The following TAMM41 variants were observed in gnomAD, a reference collection of about 807,000 sequenced individuals.
The protein encoded by TAMM41 is TAM41 mitochondrial translocator assembly and maintenance homolog.
Under a neutral mutation model 44.1 loss-of-function variants are expected in TAMM41, and 36 were observed. The ratio of observed to expected loss-of-function variants is 0.82; its 90% CI spans 0.63 to 1.08. The LOEUF (loss-of-function observed/expected upper bound fraction) is 1.08. Ranked by LOEUF, TAMM41 falls within the 50% of genes least tolerant of loss-of-function variation. The pLI is 0.00. For missense variants in TAMM41, 417 were observed against 404.3 expected (o/e 1.03, Z -0.27); for synonymous variants, 164 against 153.1 (o/e 1.07, Z -0.53).
the TAMM41 span, among the ~76,000 whole-genome samples, chr3:11,766,325 C>G: frequency 3.3e-5 from 5 of 151,980 alleles, no homozygotes; most frequent in African/African-American, 1.2e-4. Context: ...CCACCATGCT[C>G]GGTGAATTTT....
At chr3:11,790,710 G>C (rs149528881) in intron 7 of TAMM41, 129 bp from the exon 8 acceptor site, 218 of 736,954 alleles carry the variant, frequency 3.0e-4, no homozygotes, top group Non-Finnish European at 4.5e-4. Context: ...GGCTCTAGGA[G>C]ACCAGGGAGC....
chr3:11,798,278 G>C (rs2077659174), intron 7 of TAMM41, among the ~76,000 whole-genome samples: 1 of 152,280 alleles, frequency 6.6e-6, no homozygotes, highest in African/African-American at 2.4e-5. Context: ...ACTGCATAAA[G>C]AAAACGTGGT....
intron 3 of TAMM41, among the ~76,000 whole-genome samples, chr3:11,836,085 A>G (rs1028195663): frequency 6.6e-6 from 1 of 151,306 alleles, no homozygotes; most frequent in Non-Finnish European, 1.5e-5. Context: ...CTGCCTCCCA[A>G]GTTCCAGCGA....
intron 3 of TAMM41, chr3:11,833,087 G>A (rs1193803368): frequency 7.8e-7 from 1 of 1,274,636 alleles, no homozygotes; most frequent in South Asian, 1.3e-5. Flanking sequence ...ACTTGTCTCA[G>A]CAGCACTGTT....
the TAMM41 span, among the ~76,000 whole-genome samples, chr3:11,740,106 C>T: frequency 6.6e-6 from 1 of 152,090 alleles, no homozygotes; most frequent in Admixed American, 6.5e-5. Flanking sequence ...AAAAACACCC[C>T]AGATCTTTTA....
rs927941124 is a variant in TAMM41 at position 11,822,850 on chromosome 3, A to C, written c.563-5513T>G. 3.9e-5 allele frequency among the ~76,000 whole-genome samples: 6 copies of C among 152,182 alleles called. 1 individual carries two copies. In the South Asian group the frequency reaches 8.3e-4, roughly 21 times the overall value. ...CATTATGAATAATGCTGCTACGTAC[A>C]AGTTTTTGTGTGGACATATGTTTCA... On this transcript the variant is annotated intron_variant, in intron 4 of 7. Transcript: ENST00000455809.
chr3:11,771,885 T>C, the TAMM41 span, among the ~76,000 whole-genome samples: 1 of 151,646 alleles, frequency 6.6e-6, no homozygotes. Context: ...GCCCGGCCTG[T>C]TTATTTATTT....
chr3:11,778,786 G>T, the TAMM41 span, among the ~76,000 whole-genome samples: 1 of 151,982 alleles, frequency 6.6e-6, no homozygotes, highest in Non-Finnish European at 1.5e-5. Context: ...GGCCATTCGT[G>T]TATCTTTTTT....
At chr3:11,786,304 ATTAT>A (rs1375704118), downstream of TAMM41, among the ~76,000 whole-genome samples, 2 of 145,398 alleles carry the variant, frequency 1.4e-5, no homozygotes, top group Admixed American at 7.0e-5. Context: ...TATTATTATT[ATTAT>A]TATTATTATT....
At chr3:11,792,746 T>A (rs2077509557) in intron 7 of TAMM41, among the ~76,000 whole-genome samples, 1 of 152,202 alleles carries the variant, frequency 6.6e-6, no homozygotes, top group African/African-American at 2.4e-5. Context: ...CATGAAATTA[T>A]GAACTTCTTT....
At chr3:11,749,031 G>A in the TAMM41 span, among the ~76,000 whole-genome samples, 13 of 150,294 alleles carry the variant, frequency 8.6e-5, no homozygotes, top group East Asian at 2.2e-3. Flanking sequence ...TCCTGCCTCA[G>A]CCTCTCAAAT....
the TAMM41 span, among the ~76,000 whole-genome samples, chr3:11,765,031 C>T: frequency 2.0e-5 from 3 of 152,188 alleles, no homozygotes; most frequent in Non-Finnish European, 2.9e-5. Flanking sequence ...CCTTAGTTGG[C>T]CTCACCTTTC....
At chr3:11,768,481 T>C in the TAMM41 span, among the ~76,000 whole-genome samples, 35,082 of 152,156 alleles carry the variant, frequency 0.23, 4,115 homozygotes, top group East Asian at 0.33. Flanking sequence ...ACAAAGTGAA[T>C]GTGACAAGGT....
At chr3:11,769,355 ATTTT>A in the TAMM41 span, among the ~76,000 whole-genome samples, 1,028 of 132,850 alleles carry the variant, frequency 7.7e-3, 5 homozygotes, top group African/African-American at 0.024. Flanking sequence ...CTCCCAAGAG[ATTTT>A]TTTTTTTTTT....
the TAMM41 span, among the ~76,000 whole-genome samples, chr3:11,771,974 A>G: frequency 6.6e-6 from 1 of 152,204 alleles, no homozygotes; most frequent in Admixed American, 6.6e-5. Context: ...TGGTGTACCC[A>G]TCATCACCCA....
the TAMM41 span, among the ~76,000 whole-genome samples, chr3:11,733,774 C>T: frequency 6.6e-6 from 1 of 151,854 alleles, no homozygotes; most frequent in Non-Finnish European, 1.5e-5. Context: ...GGATTACAGG[C>T]GTGAGCCACC....
chr3:11,846,740 A>G lies in TAMM41; in HGVS notation c.-104T>C. 1 of 1,463,106 alleles carries G rather than the reference A, an allele frequency of 6.8e-7. No individual in the cohort carries two copies. Among genetic ancestry groups the G allele is most frequent in the South Asian group, 1.2e-5 (1 of 81,828 alleles). 90.6% of individuals were successfully genotyped at this position (1,463,106 alleles called of 1,614,324 possible). On this transcript the variant is annotated 5_prime_UTR_variant, in exon 1 of 8. Transcript: ENST00000455809. ...TTAGGGTGGGAAATGGAAGTCGGAG[A>G]CTGGATCGAGGGACACAAGGCTGAG...
the TAMM41 span, among the ~76,000 whole-genome samples, chr3:11,737,604 G>A: frequency 2.6e-5 from 4 of 152,064 alleles, no homozygotes; most frequent in Non-Finnish European, 5.9e-5. Flanking sequence ...ACAGGTGTGA[G>A]CCACCATGCC....
intron 3 of TAMM41, among the ~76,000 whole-genome samples, chr3:11,833,514 T>C (rs1175979905): frequency 6.6e-6 from 1 of 152,184 alleles, no homozygotes; most frequent in Non-Finnish European, 1.5e-5. Context: ...TTCTAAATAG[T>C]CACTGCTTAA....
Sources: allele counts gnomAD v4.1 joint callset (sites outside exome capture counted in the v4.1 genomes callset), GRCh38; gene constraint gnomAD v4.1.1; transcripts MANE v1.5; gene names NCBI Gene and HGNC (gene_info 2026-07-23, HGNC 2026-07-21).